The following ZNF287 variants were observed in gnomAD, a reference collection of about 807,000 sequenced individuals.
ZNF287 encodes the protein zinc finger protein 287, also known as zinc finger protein with KRAB and SCAN domains 13.
A neutral mutation model predicts 73.7 loss-of-function variants in ZNF287; 31 were observed. That is an observed-to-expected ratio of 0.42 (90% confidence interval 0.32 to 0.57). The LOEUF is 0.57. Among genes scored for constraint, ZNF287 ranks in the 20% least tolerant of loss-of-function variants. ZNF287 has a pLI of 0.13. For synonymous variants in ZNF287, 301 were observed against 307.2 expected, an observed-to-expected ratio of 0.98 and a Z score of 0.21; for missense variants, 641 against 909.3, an observed-to-expected ratio of 0.70 and a Z score of 3.79.
At position 16,552,115 on chromosome 17, in the gene ZNF287, T is replaced by C. The variant is rs1906711250; in HGVS notation, c.2027A>G (p.Tyr676Cys). ...AGCTTTCCCACATTCATTACATTTA[T>C]AGGGTTTTTCTCCAGTATGAATCCT... Reference protein sequence around the residue: ...HQRIHTGEKPYKCNECGKAFI... With the variant: ...HQRIHTGEKPCKCNECGKAFI... Residue 676 changes from tyrosine (Y) to cysteine (C), a missense_variant, in exon 6 of 6, where the codon TAT becomes TGT. Tyr to Cys is a radical substitution (Grantham distance 194). Coordinates refer to ENST00000395825, the MANE Select transcript of ZNF287 (RefSeq NM_020653.4). The surrounding 1 kb of genome is among the most constrained non-coding windows in gnomAD (Gnocchi z 6.5). The C allele has an allele frequency of 1.2e-6, 2 of 1,614,134 alleles. No individual in the cohort carries two copies. Among genetic ancestry groups the C allele is most frequent in the Non-Finnish European group, 1.7e-6 (2 of 1,179,990 alleles).
intron 5 of ZNF287, among the ~76,000 whole-genome samples, chr17:16,553,988 G>C (rs1258278352): frequency 6.6e-6 from 1 of 152,148 alleles, no homozygotes; most frequent in Non-Finnish European, 1.5e-5. Flanking sequence ...TGGACATACT[G>C]AATCAGAAAC....
At chr17:16,563,633 G>A (rs1907574729) in intron 4 of ZNF287, 66 bp downstream of exon 4, 1 of 1,541,358 alleles carries the variant, frequency 6.5e-7, no homozygotes, top group Non-Finnish European at 8.8e-7. Context: ...AGCCAAGCAT[G>A]TCTGAGGACC....
At chr17:16,555,601 AACACACACACACACAC>A (rs201011881) in intron 5 of ZNF287, among the ~76,000 whole-genome samples, 85 of 128,226 alleles carry the variant, frequency 6.6e-4, no homozygotes, top group Admixed American at 1.3e-3. Flanking sequence ...CACATAACCA[AACACACACACACACAC>A]ACACACACAC....
At position 16,553,121 on chromosome 17, in the gene ZNF287, CAGA is replaced by C; in HGVS notation, c.1018_1020del (p.Ser340del). 2 of 1,613,772 alleles carry C rather than the reference CAGA, an allele frequency of 1.2e-6. No homozygotes were observed. The highest frequency in any genetic ancestry group is 1.7e-6 in the Non-Finnish European group (2 of 1,179,658). On this transcript the variant is annotated inframe_deletion, in exon 6 of 6. Coordinates refer to ENST00000395825, the MANE Select transcript of ZNF287 (RefSeq NM_020653.4). ...AAGGTTGCCCTGCCTTCATTATACA[CAGA>C]AGTTTTATTATCTAATTGGGTATCA...
chr17:16,555,960 A>G (rs1160780688), intron 5 of ZNF287, among the ~76,000 whole-genome samples: 1 of 152,230 alleles, frequency 6.6e-6, no homozygotes, highest in African/African-American at 2.4e-5. Context: ...AATATGCAGT[A>G]ATTGAAAATG....
intron 3 of ZNF287, 123 bp downstream of exon 3, chr17:16,566,402 G>T: frequency 1.4e-6 from 1 of 718,062 alleles, no homozygotes; most frequent in Non-Finnish European, 2.3e-6. Context: ...TAACATAGGA[G>T]AGAAACTGGG....
rs1906720122 is a variant in ZNF287 at position 16,552,233 on chromosome 17, G to T, written c.1909C>A (p.Gln637Lys). ...TCTCCATTATGAATCCTCTGATGTT[G>T]AGTAAGGTGCACACTCTGGCTGAAT... Reference protein sequence around the residue: ...KAFSQSVHLTQHQRIHNGEKP... With the variant: ...KAFSQSVHLTKHQRIHNGEKP... The change falls in exon 6 of 6, where the codon CAA (glutamine) becomes AAA (lysine). Residue 637 changes from glutamine (Q) to lysine (K), a missense_variant. Gln to Lys is a moderately conservative substitution (Grantham distance 53). Transcript: ENST00000395825. The surrounding 1 kb of genome is among the most constrained non-coding windows in gnomAD (Gnocchi z 6.5). The T allele has an allele frequency of 6.2e-7, 1 of 1,613,866 alleles. No homozygotes were observed. Among genetic ancestry groups the T allele is most frequent in the African/African-American group, 1.3e-5 (1 of 74,882 alleles).
Position 16,552,401 on chromosome 17 carries a change from G to A in ZNF287, c.1741C>T (p.Gln581Ter). 6.2e-7 allele frequency: 1 copy of A among 1,613,948 alleles called. No homozygotes were observed. The highest frequency in any genetic ancestry group is 8.5e-7 in the Non-Finnish European group (1 of 1,179,934). ...KAFAHSSTLI[Q>*]HQTTHTGEKS... is the part of the protein sequence containing the mutation. ...TCTCCAGTGTGAGTGGTTTGATGTT[G>A]AATAAGGGTTGAGGAATGAGCAAAG... is the stretch of plus-strand genomic sequence containing the variant. The change falls in exon 6 of 6, where the codon CAA (glutamine) becomes TAA (stop). Residue 581 changes from glutamine to a stop codon, truncating the protein, a stop_gained. Coordinates refer to ENST00000395825, the MANE Select transcript of ZNF287 (RefSeq NM_020653.4). LOFTEE classifies it high-confidence loss of function. This position sits in a 1 kb window ranked among gnomAD's most constrained non-coding sequence, Gnocchi z 6.5.
At chr17:16,557,238 A>C (rs1209044770) in intron 5 of ZNF287, among the ~76,000 whole-genome samples, 1 of 152,190 alleles carries the variant, frequency 6.6e-6, no homozygotes, top group Non-Finnish European at 1.5e-5. Context: ...CTAAAACCAG[A>C]AAGGATTGGT....
At chr17:16,556,250 G>C (rs1182768590) in intron 5 of ZNF287, among the ~76,000 whole-genome samples, 4 of 151,924 alleles carry the variant, frequency 2.6e-5, no homozygotes, top group Non-Finnish European at 5.9e-5. Context: ...CTTAATATTT[G>C]CTTCCTTGTA....
In ZNF287 at chr17:16,566,440, G is replaced by A. The variant is rs565321571; in HGVS notation, c.501+85C>T. ...TTAAGTCCTTGATAGAGCTTCTGGG[G>A]GCACAGTAGTTATAGGGCCAGGTCA... On this transcript the variant is annotated intron_variant, in intron 3 of 5. Coordinates refer to ENST00000395825, the MANE Select transcript of ZNF287 (RefSeq NM_020653.4). 1.7e-4 allele frequency: 182 copies of A among 1,092,106 alleles called. No homozygotes were observed. The East Asian group carries it at 2.9e-3, about 18-fold the overall frequency. 67.7% of individuals were successfully genotyped at this position (1,092,106 alleles called of 1,614,324 possible).
intron 5 of ZNF287, among the ~76,000 whole-genome samples, chr17:16,560,671 A>C (rs1159600938): frequency 6.6e-6 from 1 of 151,768 alleles, no homozygotes; most frequent in Admixed American, 6.6e-5. Flanking sequence ...TTTAATGAAG[A>C]ATGGTATTAA....
Position 16,547,856 on chromosome 17 carries a change from G to A in ZNF287, c.*4000C>T, listed in dbSNP as rs1906368859. Among the ~76,000 whole-genome samples the A allele has an allele frequency of 6.6e-6, 1 of 152,192 alleles. No individual in the cohort carries two copies. Among genetic ancestry groups the A allele is most frequent in the Non-Finnish European group, 1.5e-5 (1 of 68,026 alleles). ...AGAGATACTTGAAGGGCTCCACCTG[G>A]CCAAATTTGGGACAATCTGAACATC... is the stretch of plus-strand genomic sequence containing the variant. On this transcript the variant is annotated 3_prime_UTR_variant, in exon 6 of 6. Coordinates refer to ENST00000395825, the MANE Select transcript of ZNF287 (RefSeq NM_020653.4).
chr17:16,566,019 A>T (rs1303826893), intron 3 of ZNF287, among the ~76,000 whole-genome samples: 1 of 152,196 alleles, frequency 6.6e-6, no homozygotes, highest in East Asian at 1.9e-4. Context: ...ACCAACAGTA[A>T]TATGACAGAA....
intron 5 of ZNF287, among the ~76,000 whole-genome samples, chr17:16,561,847 AG>A (rs1396375121): frequency 6.6e-6 from 1 of 152,214 alleles, no homozygotes; most frequent in Non-Finnish European, 1.5e-5. Flanking sequence ...ATATCTATAA[AG>A]GATGTTTTTA....
rs959751543 is a variant in ZNF287 at position 16,567,690 on chromosome 17, A to G, written c.42T>C (p.Ser14=). ...SSKRMNSSSR[S]QILLRWKSDK... Reference sequence around the variant, plus strand: ...CTGACTTCCACCTTAGAAGGATTTGAGAACGTGAAGAACTGTTCATCCTCT... The same window carrying G: ...CTGACTTCCACCTTAGAAGGATTTGGGAACGTGAAGAACTGTTCATCCTCT... The change falls in exon 2 of 6, where the codon TCT becomes TCC. Residue 14 remains serine (S), a synonymous_variant. Transcript: ENST00000395825. The G allele has an allele frequency of 6.2e-7, 1 of 1,613,758 alleles. No homozygotes were observed. The highest frequency in any genetic ancestry group is 1.7e-5 in the Admixed American group (1 of 59,984).
intron 5 of ZNF287, among the ~76,000 whole-genome samples, chr17:16,553,736 T>C (rs1906857372): frequency 6.6e-6 from 1 of 152,200 alleles, no homozygotes; most frequent in African/African-American, 2.4e-5. Context: ...GATGGCCTCA[T>C]GGATTAATTT....
chr17:16,568,255 A>G (rs1907871331), intron 1 of ZNF287: 1 of 152,872 alleles, frequency 6.5e-6, no homozygotes, highest in African/African-American at 2.4e-5. Flanking sequence ...ATGTTACAGA[A>G]GCTGTAATGA....
At chr17:16,554,130 A>C (rs949923872) in intron 5 of ZNF287, among the ~76,000 whole-genome samples, 1 of 152,186 alleles carries the variant, frequency 6.6e-6, no homozygotes, top group Non-Finnish European at 1.5e-5. Context: ...CTCAGTCCCA[A>C]AATAATTCAG....
Sources: allele counts gnomAD v4.1 joint callset (sites outside exome capture counted in the v4.1 genomes callset), GRCh38; gene constraint gnomAD v4.1.1; non-coding constraint Gnocchi (gnomAD v3.1); transcripts MANE v1.5; gene names NCBI Gene and HGNC (gene_info 2026-07-23, HGNC 2026-07-21).